Variants in CFAP299 observed in about 807,000 individuals in gnomAD.
CFAP299 encodes cilia- and flagella-associated protein 299.
A neutral mutation model predicts 27.0 loss-of-function variants in CFAP299; 21 were observed. The observed-to-expected ratio is 0.78, with a 90% CI of 0.55 to 1.12. The LOEUF (loss-of-function observed/expected upper bound fraction) is 1.12, where lower values mean the gene tolerates loss of function less well. Among genes scored for constraint, CFAP299 ranks in the 50% most tolerant of loss-of-function variants. The pLI is 0.00. For synonymous variants in CFAP299, 104 were observed against 98.1 expected, an observed-to-expected ratio of 1.06 and a Z score of -0.36; for missense variants, 310 against 276.6, an observed-to-expected ratio of 1.12 and a Z score of -0.86.
At chr4:80,895,523 A>G (rs1734571718) in intron 4 of CFAP299, among the ~76,000 whole-genome samples, 1 of 152,040 alleles carries the variant, frequency 6.6e-6, no homozygotes, top group Non-Finnish European at 1.5e-5. Flanking sequence ...ATTTTTTCAC[A>G]AATATATGTT....
chr4:80,642,533 C>T (rs1739780066), intron 3 of CFAP299, among the ~76,000 whole-genome samples: 2 of 151,656 alleles, frequency 1.3e-5, no homozygotes, highest in Admixed American at 6.6e-5. Flanking sequence ...TGGGAGGCCA[C>T]GGCAGGTGGA....
At position 80,402,474 on chromosome 4, in the gene CFAP299, C is replaced by T. The variant is rs139303888; in HGVS notation, c.242+39590C>T. Among the ~76,000 whole-genome samples, 969 of 152,276 alleles carry T rather than the reference C, an allele frequency of 6.4e-3. 22 individuals are homozygous for T. Among genetic ancestry groups the T allele is most frequent in the African/African-American group, 0.022 (931 of 41,550 alleles). ...CAGGGATTTCCGCTTTTGCCTCTCT[C>T]ATTTTCTGTTGCCACCACCATGTAA... On this transcript the variant is annotated intron_variant, in intron 2 of 5. Coordinates refer to ENST00000358105, the MANE Select transcript of CFAP299 (RefSeq NM_152770.3).
intron 3 of CFAP299, among the ~76,000 whole-genome samples, chr4:80,759,843 C>T (rs1332055665): frequency 1.3e-5 from 2 of 152,102 alleles, no homozygotes; most frequent in East Asian, 3.8e-4. Context: ...TAACTTTATT[C>T]ACCTAATAAT....
chr4:80,664,699 T>A (rs1323007313), intron 3 of CFAP299, among the ~76,000 whole-genome samples: 1 of 152,056 alleles, frequency 6.6e-6, no homozygotes, highest in Non-Finnish European at 1.5e-5. Context: ...ACTAGACCAC[T>A]TGGTTACCTG....
intron 3 of CFAP299, among the ~76,000 whole-genome samples, chr4:80,767,309 C>A (rs1283848951): frequency 6.6e-6 from 1 of 152,016 alleles, no homozygotes; most frequent in Non-Finnish European, 1.5e-5. Flanking sequence ...TCTCTTTCTC[C>A]TCAAAATACC....
At chr4:80,521,270 A>G (rs1439202101) in intron 2 of CFAP299, among the ~76,000 whole-genome samples, 2 of 152,168 alleles carry the variant, frequency 1.3e-5, no homozygotes, top group East Asian at 1.9e-4. Flanking sequence ...GTATTTCCCT[A>G]GGCACAATAA....
At chr4:80,877,771 T>G (rs1371023249) in intron 4 of CFAP299, among the ~76,000 whole-genome samples, 1 of 152,142 alleles carries the variant, frequency 6.6e-6, no homozygotes, top group Non-Finnish European at 1.5e-5. Flanking sequence ...CAACTTTTTA[T>G]TATTAATTTT....
At position 80,947,812 on chromosome 4, in the gene CFAP299, C is replaced by T. The variant is rs183816701; in HGVS notation, c.606+2873C>T. ...TACAAAATTTCTTAACTTATTCTTT[C>T]TTCAAAGATCCAAGATCTTTTTTAT... is the stretch of plus-strand genomic sequence containing the variant. On this transcript the variant is annotated intron_variant, in intron 5 of 5. Transcript: ENST00000358105. 1.2e-3 allele frequency among the ~76,000 whole-genome samples: 188 copies of T among 152,200 alleles called. 1 individual carries two copies. Among genetic ancestry groups the T allele is most frequent in the Middle Eastern group, 3.4e-3 (1 of 294 alleles).
intron 3 of CFAP299, among the ~76,000 whole-genome samples, chr4:80,791,152 TTTA>T (rs770907203): frequency 5.9e-5 from 9 of 152,058 alleles, no homozygotes; most frequent in Non-Finnish European, 1.0e-4. Context: ...GATCGCAGAT[TTTA>T]TTATTATTCT....
chr4:80,869,778 C>T (rs1418587150), intron 3 of CFAP299, among the ~76,000 whole-genome samples: 1 of 152,206 alleles, frequency 6.6e-6, no homozygotes, highest in Non-Finnish European at 1.5e-5. Flanking sequence ...TCCCAAAGTG[C>T]TGGGATTACA....
chr4:80,652,686 T>C (rs1740365244), intron 3 of CFAP299, among the ~76,000 whole-genome samples: 1 of 152,144 alleles, frequency 6.6e-6, no homozygotes, highest in Non-Finnish European at 1.5e-5. Flanking sequence ...TTCCTGGTCA[T>C]TTTCTCACAC....
At chr4:80,758,021 C>T (rs894534586) in intron 3 of CFAP299, among the ~76,000 whole-genome samples, 6 of 152,232 alleles carry the variant, frequency 3.9e-5, no homozygotes, top group Middle Eastern at 6.8e-3. Flanking sequence ...GCAGGCATGC[C>T]GGTGACCCCT....
intron 3 of CFAP299, among the ~76,000 whole-genome samples, chr4:80,767,443 A>G (rs1241221653): frequency 6.6e-6 from 1 of 151,982 alleles, no homozygotes; most frequent in Non-Finnish European, 1.5e-5. Flanking sequence ...CCCTGTCTCT[A>G]CTAAAAATAC....
intron 2 of CFAP299, among the ~76,000 whole-genome samples, chr4:80,399,694 G>A (rs1437606608): frequency 7.8e-6 from 1 of 128,572 alleles, no homozygotes; most frequent in Non-Finnish European, 1.6e-5. Flanking sequence ...CCTGTTTTGA[G>A]GTGGGGGAGG....
chr4:80,920,820 T>G (rs1426689998), intron 4 of CFAP299, among the ~76,000 whole-genome samples: 4 of 152,006 alleles, frequency 2.6e-5, no homozygotes, highest in African/African-American at 9.7e-5. Context: ...GGGTGAGGAT[T>G]TTTATTCTGG....
At chr4:80,429,238 TTGAAACAATAA>T (rs1472346125) in intron 2 of CFAP299, among the ~76,000 whole-genome samples, 7 of 152,230 alleles carry the variant, frequency 4.6e-5, no homozygotes, top group Non-Finnish European at 7.3e-5. Flanking sequence ...ATTAGCCTTG[TTGAAACAATAA>T]TGAAACAATA....
chr4:80,955,223 C>T (rs1333869781), intron 5 of CFAP299, among the ~76,000 whole-genome samples: 1 of 152,044 alleles, frequency 6.6e-6, no homozygotes, highest in Non-Finnish European at 1.5e-5. Flanking sequence ...GTCATCAGGG[C>T]TCAGGCAGGG....
chr4:80,324,800 C>G, the CFAP299 span, among the ~76,000 whole-genome samples: 8 of 152,062 alleles, frequency 5.3e-5, no homozygotes, highest in African/African-American at 1.9e-4. Context: ...GGATGTGGAA[C>G]AGGGGAGGTT....
chr4:80,825,250 G>A (rs1369375741), intron 3 of CFAP299, among the ~76,000 whole-genome samples: 1 of 151,434 alleles, frequency 6.6e-6, no homozygotes. Context: ...ATTGAAAAAA[G>A]GTAAACAATG....
Sources: gnomAD v4.1 joint callset for allele counts (sites outside exome capture counted in the v4.1 genomes callset) on GRCh38, gnomAD v4.1.1 for gene constraint, MANE v1.5 for transcripts, NCBI Gene and HGNC (gene_info 2026-07-23, HGNC 2026-07-21) for gene names.